Variants in RHOT2 observed in about 807,000 individuals in gnomAD.
RHOT2 encodes the protein mitochondrial Rho GTPase 2.
RHOT2 carries 90 observed loss-of-function variants against 81.6 expected under a neutral mutation model. That is an observed-to-expected ratio of 1.10 (90% confidence interval 0.93 to 1.31). RHOT2 has a LOEUF of 1.31. RHOT2 is among the 40% of genes most tolerant of loss of function. The pLI is 0.00. For synonymous variants in RHOT2, 512 were observed against 370.9 expected (o/e 1.38, Z -4.37); for missense variants, 1,014 against 841.9 (o/e 1.20, Z -2.53).
chr16:671,028 G>T (rs1479503701), intron 10 of RHOT2, 28 bp downstream of exon 10: 1 of 1,605,822 alleles, frequency 6.2e-7, no homozygotes. Context: ...CCTGTGCCTG[G>T]GGAGTGTGGG....
intron 5 of RHOT2, 121 bp downstream of exon 5, chr16:669,727 A>C: frequency 9.8e-7 from 1 of 1,018,320 alleles, no homozygotes; most frequent in Non-Finnish European, 1.5e-6. Context: ...CCTGACGTGG[A>C]GTTGCCTGAC....
chr16:668,740 G>C, intron 4 of RHOT2, 41 bp downstream of exon 4: 1 of 1,561,380 alleles, frequency 6.4e-7, no homozygotes, highest in African/African-American at 1.4e-5. Flanking sequence ...CTGGGCGCGG[G>C]CTCGGCCTAA....
At chr16:672,590 T>C (rs1596525022) in intron 16 of RHOT2, 24 bp downstream of exon 16, 1 of 1,611,460 alleles carries the variant, frequency 6.2e-7, no homozygotes, top group Non-Finnish European at 8.5e-7. Flanking sequence ...CGGCGCGGCC[T>C]GTGCCCGAGG....
chr16:672,317 A>C lies in RHOT2; in HGVS notation c.1259A>C (p.Lys420Thr). The C allele has an allele frequency of 6.2e-7, 1 of 1,612,458 alleles. No individual in the cohort carries two copies. The highest frequency in any genetic ancestry group is 1.7e-5 in the Admixed American group (1 of 59,978). ...GQTQRSVLLC[K>T]VVGARGVGKS... ...ACGCAGCGGAGCGTCCTCCTGTGCAAGGTGGTAGGGGCCCGTGGAGTGGGC... is the reference window on the plus strand; with the variant it reads ...ACGCAGCGGAGCGTCCTCCTGTGCACGGTGGTAGGGGCCCGTGGAGTGGGC... Residue 420 changes from lysine (K) to threonine (T), a missense_variant, in exon 15 of 19, where the codon AAG becomes ACG. Physicochemically the swap from Lys to Thr is moderately conservative, Grantham distance 78. Coordinates refer to ENST00000315082, the MANE Select transcript of RHOT2 (RefSeq NM_138769.3).
In RHOT2 at chr16:672,285, G is replaced by C; in HGVS notation, c.1227G>C (p.Lys409Asn). Residue 409 changes from lysine to asparagine, a missense_variant, in exon 15 of 19, where the codon AAG becomes AAC. Coordinates refer to ENST00000315082, the MANE Select transcript of RHOT2 (RefSeq NM_138769.3). ...VTREKRLDQE[K>N]GQTQRSVLLC... ...GTGAGAAGAGGCTGGACCAGGAGAA[G>C]GGACAGACGCAGCGGAGCGTCCTCC... The C allele has an allele frequency of 1.9e-6, 3 of 1,612,172 alleles. No individual in the cohort carries two copies. The highest frequency in any genetic ancestry group is 1.1e-5 in the South Asian group (1 of 91,026).
chr16:670,225 G>A (rs2151462226), intron 6 of RHOT2, 24 bp from the exon 7 acceptor site: 6 of 1,611,858 alleles, frequency 3.7e-6, no homozygotes, highest in Non-Finnish European at 5.1e-6. Flanking sequence ...CCCTGCCCCT[G>A]GTGACCATGG....
chr16:668,373 CTG>C lies in RHOT2; in HGVS notation c.59_60del (p.Leu20HisfsTer63). On this transcript the variant is annotated frameshift_variant, in exon 2 of 19. Coordinates refer to ENST00000315082, the MANE Select transcript of RHOT2 (RefSeq NM_138769.3). LOFTEE classifies it high-confidence loss of function. ...LGEAQVGKTS[L>X]ILSLVGEEFP... is the part of the protein sequence containing the mutation. ...CGCAGCCCAGGTGGGGAAGACGTCG[CTG>C]ATCCTGTCCCTGGTGGGCGAGGAGT... The C allele has an allele frequency of 6.9e-7, 1 of 1,442,404 alleles. No individual in the cohort carries two copies. Among genetic ancestry groups the C allele is most frequent in the South Asian group, 1.4e-5 (1 of 68,970 alleles). The allele number at this position is 1,442,404 out of a possible 1,614,324, so 89.4% of individuals were successfully genotyped here.
chr16:669,498 TC>T, intron 4 of RHOT2, 54 bp from the exon 5 acceptor site: 4 of 1,579,690 alleles, frequency 2.5e-6, no homozygotes, highest in Non-Finnish European at 3.5e-6. Context: ...ACGGCCAGGG[TC>T]GTCGGTGGTG....
In RHOT2 at chr16:670,113, T is replaced by C. The variant is rs536636699; in HGVS notation, c.277-10T>C. The C allele has an allele frequency of 2.1e-5, 32 of 1,557,774 alleles. No individual in the cohort carries two copies. The South Asian group carries it at 3.8e-4, about 19-fold the overall frequency. On this transcript the variant is annotated splice_polypyrimidine_tract_variant and intron_variant, in intron 5 of 18. Transcript: ENST00000315082. ...GCAGCCTCACTTCACAGCCAGGCTT[T>C]GCTTTTCAGATTCGAACTAAGTGGA...
intron 18 of RHOT2, 170 bp downstream of exon 18, chr16:673,300 G>C (rs2039278559): frequency 5.8e-6 from 7 of 1,204,874 alleles, no homozygotes; most frequent in Non-Finnish European, 8.3e-6. Context: ...GTGGAGCTTT[G>C]TGTGGCAGAG....
intron 9 of RHOT2, 44 bp downstream of exon 9, chr16:670,817 C>A: frequency 6.2e-7 from 1 of 1,605,592 alleles, no homozygotes; most frequent in Non-Finnish European, 8.5e-7. Flanking sequence ...CCTTGAACCT[C>A]CGCTGCCGTT....
intron 14 of RHOT2, 28 bp downstream of exon 14, chr16:672,209 G>C: frequency 6.2e-7 from 1 of 1,612,220 alleles, no homozygotes; most frequent in Admixed American, 1.7e-5. Context: ...CTGGGCCTGG[G>C]CCCAGTATCC....
At chr16:671,567 GGCGTACAGGA>G in intron 11 of RHOT2, 120 bp from the exon 12 acceptor site, 1 of 1,005,202 alleles carries the variant, frequency 9.9e-7, no homozygotes, top group Admixed American at 2.4e-5. Flanking sequence ...CAAGGTCGGG[GGCGTACAGGA>G]GCCTCTGGGT....
At chr16:669,847 AACCCCCGGGGGGGG>A (rs2038612456) in intron 5 of RHOT2, 1 of 615,538 alleles carries the variant, frequency 1.6e-6, no homozygotes, top group South Asian at 2.0e-5. Context: ...CCAGTTTCCA[AACCCCCGGGGGGGG>A]ACCCGCAGAG....
intron 4 of RHOT2, 82 bp downstream of exon 4, chr16:668,781 G>C: frequency 7.2e-7 from 1 of 1,397,540 alleles, no homozygotes. Context: ...ATTGGACCGA[G>C]GTGCTCCGGG....
Position 671,990 on chromosome 16 carries a change from T to G in RHOT2, c.1085T>G (p.Leu362Arg). 1 of 1,611,892 alleles carries G rather than the reference T, an allele frequency of 6.2e-7. No homozygotes were observed. Among genetic ancestry groups the G allele is most frequent in the South Asian group, 1.1e-5 (1 of 91,042 alleles). ...EAGRLPLHGY[L>R]CQWTLVTYLD... ...GGCCGGTTGCCCCTGCACGGATACC[T>G]CTGCCAGTGGACGTAAGTGCGGCCC... The change falls in exon 13 of 19, where the codon CTC (leucine) becomes CGC (arginine). Residue 362 changes from leucine to arginine, a missense_variant. Physicochemically the swap from Leu to Arg is moderately radical, Grantham distance 102. Transcript: ENST00000315082.
Position 673,543 on chromosome 16 carries a change from C to T in RHOT2, c.1794C>T (p.Val598=), listed in dbSNP as rs140204401. Residue 598 remains valine (V), a synonymous_variant, in exon 19 of 19, where the codon GTC becomes GTT. Transcript: ENST00000315082. ...GGCTCCGGGGGCTGCTGGGGGTTGT[C>T]GGGGCCGCCGTGGCCGCAGTCCTCA... ...SFWLRGLLGV[V]GAAVAAVLSF... 2.7e-5 allele frequency: 43 copies of T among 1,612,396 alleles called. No homozygotes were observed. The highest frequency in any genetic ancestry group is 1.8e-4 in the Admixed American group (11 of 59,980).
rs1164019770 is a variant in RHOT2, at chr16:672,573, G to T, written c.1404+7G>T. 1 of 1,612,396 alleles carries T rather than the reference G, an allele frequency of 6.2e-7. No homozygotes were observed. The highest frequency in any genetic ancestry group is 8.5e-7 in the Non-Finnish European group (1 of 1,179,764). ...ACAGGAGAAGTACTTGATCGTGAGTGCTGGGGCGGCGCGGCCTGTGCCCGA... is the reference window on the plus strand; with the variant it reads ...ACAGGAGAAGTACTTGATCGTGAGTTCTGGGGCGGCGCGGCCTGTGCCCGA... On this transcript the variant is annotated splice_region_variant and intron_variant, in intron 16 of 18. Coordinates refer to ENST00000315082, the MANE Select transcript of RHOT2 (RefSeq NM_138769.3).
In RHOT2 at chr16:672,575, T is replaced by C. The variant is rs754051461; in HGVS notation, c.1404+9T>C. On this transcript the variant is annotated intron_variant, in intron 16 of 18. Coordinates refer to ENST00000315082, the MANE Select transcript of RHOT2 (RefSeq NM_138769.3). ...AGGAGAAGTACTTGATCGTGAGTGC[T>C]GGGGCGGCGCGGCCTGTGCCCGAGG... is the stretch of plus-strand genomic sequence containing the variant. 7.4e-6 allele frequency: 12 copies of C among 1,611,828 alleles called. No individual in the cohort carries two copies. The highest frequency in any genetic ancestry group is 9.3e-6 in the Non-Finnish European group (11 of 1,179,564).
Sources: gnomAD v4.1 joint callset for allele counts on GRCh38, gnomAD v4.1.1 for gene constraint, MANE v1.5 for transcripts, NCBI Gene and HGNC (gene_info 2026-07-23, HGNC 2026-07-21) for gene names.